Variants in ABCC2 observed in about 807,000 individuals in gnomAD.
ABCC2 encodes the protein ATP-binding cassette sub-family C member 2.
ABCC2 carries 157 observed loss-of-function variants against 173.4 expected under a neutral mutation model. The observed-to-expected ratio is 0.91, with a 90% CI of 0.80 to 1.03. The LOEUF is 1.03. ABCC2 is among the 50% of genes least tolerant of loss of function. The pLI is 0.00. For missense variants in ABCC2, 1,822 were observed against 1,852.3 expected (o/e 0.98, Z 0.30); for synonymous variants, 657 against 693.5 (o/e 0.95, Z 0.83).
Position 99,819,127 on chromosome 10 carries a change from T to A in ABCC2, c.2478T>A (p.Pro826=). 6.2e-7 allele frequency: 1 copy of A among 1,614,132 alleles called. No individual in the cohort carries two copies. Among genetic ancestry groups the A allele is most frequent in the Non-Finnish European group, 8.5e-7 (1 of 1,179,994 alleles). Reference sequence around the variant, plus strand: ...TTACACATAGCATGCACTTTCTTCCTCAAGTGGATGAGATTGTAGTTCTGG... The same window carrying A: ...TTACACATAGCATGCACTTTCTTCCACAAGTGGATGAGATTGTAGTTCTGG... ...LLVTHSMHFL[P]QVDEIVVLGN... The change falls in exon 19 of 32, where the codon CCT becomes CCA. Residue 826 remains proline, a synonymous_variant. Transcript: ENST00000647814.
rs1475707121 is a variant in ABCC2, at chr10:99,841,995, GGGA to G, written c.3644_3646del (p.Gly1215_Asn1216delinsAsp). The G allele has an allele frequency of 6.2e-7, 1 of 1,614,152 alleles. No individual in the cohort carries two copies. The highest frequency in any genetic ancestry group is 1.1e-5 in the South Asian group (1 of 91,066). On this transcript the variant is annotated inframe_deletion, in exon 26 of 32. Coordinates refer to ENST00000647814, the MANE Select transcript of ABCC2 (RefSeq NM_000392.5). ...GCTTGCAATTCGCCTGGAGCTGGTT[GGGA>G]ACCTGACTGTCTTCTTTTCAGCCTT...
intron 12 of ABCC2, among the ~76,000 whole-genome samples, 172 bp from the exon 13 acceptor site, chr10:99,807,911 C>T (rs1430855230): frequency 6.6e-6 from 1 of 152,184 alleles, no homozygotes; most frequent in African/African-American, 2.4e-5. Flanking sequence ...ACTTTGTGAC[C>T]TTGGAGAAGA....
chr10:99,822,571 C>T (rs1038705596), intron 19 of ABCC2, among the ~76,000 whole-genome samples: 82 of 151,516 alleles, frequency 5.4e-4, no homozygotes, highest in African/African-American at 1.9e-3. Context: ...ACGTTATCAC[C>T]TTCCCTATTT....
rs1437338569 is a variant in ABCC2 at position 99,814,291 on chromosome 10, A to C, written c.2094+1147A>C. Among the ~76,000 whole-genome samples the C allele has an allele frequency of 5.3e-5, 4 of 76,130 alleles. 1 individual carries two copies. Among genetic ancestry groups the C allele is most frequent in the Non-Finnish European group, 1.1e-4 (4 of 37,872 alleles). The allele number at this position is 76,130 out of a possible 152,430, so 49.9% of individuals were successfully genotyped here. A position where few individuals can be genotyped will look rare whatever the true frequency, so the allele number is the denominator to read the frequency against. On this transcript the variant is annotated intron_variant, in intron 16 of 31. Transcript: ENST00000647814. ...TGTATACACACGTATGTATACACACACGTATGTATACACACATGTATATAC... is the reference window on the plus strand; with the variant it reads ...TGTATACACACGTATGTATACACACCCGTATGTATACACACATGTATATAC...
chr10:99,841,077 G>C (rs2038935760), intron 25 of ABCC2, among the ~76,000 whole-genome samples: 1 of 152,028 alleles, frequency 6.6e-6, no homozygotes, highest in Non-Finnish European at 1.5e-5. Context: ...ATCTCCCTGT[G>C]GCCAACTTGC....
intron 27 of ABCC2, 82 bp downstream of exon 27, chr10:99,843,982 A>G (rs2038981167): frequency 1.7e-6 from 2 of 1,184,070 alleles, no homozygotes; most frequent in South Asian, 1.2e-5. Context: ...GAATTTCTCC[A>G]TATTTTACAT....
At chr10:99,806,196 G>A (rs2038101361) in intron 11 of ABCC2, among the ~76,000 whole-genome samples, 2 of 151,810 alleles carry the variant, frequency 1.3e-5, no homozygotes, top group Admixed American at 1.3e-4. Flanking sequence ...AGGTTTGATT[G>A]ATTTATATTT....
intron 19 of ABCC2, among the ~76,000 whole-genome samples, chr10:99,820,669 G>A (rs923860097): frequency 6.6e-6 from 1 of 152,222 alleles, no homozygotes; most frequent in African/African-American, 2.4e-5. Context: ...CAAAGAACAG[G>A]ATGGTGTAGG....
chr10:99,814,797 A>ATGTG (rs771994615), intron 16 of ABCC2, among the ~76,000 whole-genome samples: 1 of 138,314 alleles, frequency 7.2e-6, no homozygotes, highest in Non-Finnish European at 1.6e-5. Flanking sequence ...ACACACACAT[A>ATGTG]TGTGTGTGTG....
chr10:99,808,042 C>T (rs1419468101), intron 12 of ABCC2, 41 bp from the exon 13 acceptor site: 5 of 1,610,546 alleles, frequency 3.1e-6, no homozygotes, highest in Non-Finnish European at 4.2e-6. Context: ...GCTGCTTGGT[C>T]CCTTTTAGGA....
chr10:99,797,271 T>C lies in ABCC2; in HGVS notation c.807T>C (p.Ser269=), dbSNP rs760678942. The part of the protein sequence containing the change: ...RRQEKSSQQN[S]GARLPGLNKN... ...AGGAGAAGAGCTCCCAGCAGAACTC[T>C]GGAGCCAGGCTGCCTGGCTTGAACA... Residue 269 remains serine, a synonymous_variant, in exon 7 of 32, where the codon TCT becomes TCC. Coordinates refer to ENST00000647814, the MANE Select transcript of ABCC2 (RefSeq NM_000392.5). 1.3e-5 allele frequency: 21 copies of C among 1,613,900 alleles called. No individual in the cohort carries two copies. In the South Asian group the frequency reaches 2.3e-4, roughly 18 times the overall value.
chr10:99,797,370 G>C (rs2037936390), intron 7 of ABCC2, 39 bp downstream of exon 7: 1 of 1,561,688 alleles, frequency 6.4e-7, no homozygotes, highest in East Asian at 2.3e-5. Flanking sequence ...CGCGCTGCAT[G>C]TTTCAGGCAA....
At chr10:99,815,903 T>C (rs1275252437) in intron 16 of ABCC2, among the ~76,000 whole-genome samples, 1 of 152,142 alleles carries the variant, frequency 6.6e-6, no homozygotes, top group Non-Finnish European at 1.5e-5. Flanking sequence ...GAAGCTTTTT[T>C]CTTGCTAACT....
chr10:99,845,893 T>C, intron 29 of ABCC2, 111 bp downstream of exon 29: 1 of 1,224,798 alleles, frequency 8.2e-7, no homozygotes, highest in Non-Finnish European at 1.2e-6. Flanking sequence ...AATTCCACGG[T>C]CTACTCGGGA....
At chr10:99,807,345 G>A (rs372457929) in intron 11 of ABCC2, 39 bp from the exon 12 acceptor site, 14 of 1,613,730 alleles carry the variant, frequency 8.7e-6, no homozygotes, top group Non-Finnish European at 1.2e-5. Flanking sequence ...GCCCTTTCAG[G>A]GGCAATCATG....
rs376209856 is a variant in ABCC2, at chr10:99,814,192, CAT to C, written c.2094+1049_2094+1050del. ...ATATACACACATGTATGTATACACA[CAT>C]GTGTATATATACACACATGTGTATA... On this transcript the variant is annotated intron_variant, in intron 16 of 31. Coordinates refer to ENST00000647814, the MANE Select transcript of ABCC2 (RefSeq NM_000392.5). Among the ~76,000 whole-genome samples, 36 of 81,650 alleles carry C rather than the reference CAT, an allele frequency of 4.4e-4. 3 individuals carry two copies. Among genetic ancestry groups the C allele is most frequent in the South Asian group, 1.3e-3 (3 of 2,254 alleles). The allele number at this position is 81,650 out of a possible 152,430, so 53.6% of individuals were successfully genotyped here.
chr10:99,814,831 TCTCA>T (rs1166256681), intron 16 of ABCC2, among the ~76,000 whole-genome samples: 2 of 146,380 alleles, frequency 1.4e-5, no homozygotes, highest in African/African-American at 2.5e-5. Flanking sequence ...TGAGACAGAG[TCTCA>T]CTCTGTCACT....
rs878914927 is a variant in ABCC2, at chr10:99,817,247, T to C, written c.2095-61T>C. ...TTTCTTCCCCTCTCCAGCCACCCCGTCCTTCAACCCTGCGTTTCTGGAGGT... is the reference window on the plus strand; with the variant it reads ...TTTCTTCCCCTCTCCAGCCACCCCGCCCTTCAACCCTGCGTTTCTGGAGGT... On this transcript the variant is annotated intron_variant, in intron 16 of 31. Transcript: ENST00000647814. The C allele has an allele frequency of 2.0e-6, 3 of 1,538,338 alleles. No individual in the cohort carries two copies. In the South Asian group the frequency reaches 3.4e-5, roughly 17 times the overall value.
At chr10:99,814,146 C>CACACAT (rs1564683200) in intron 16 of ABCC2, among the ~76,000 whole-genome samples, 12 of 21,500 alleles carry the variant, frequency 5.6e-4, no homozygotes, top group African/African-American at 7.4e-4. Context: ...TATATACACA[C>CACACAT]ATGTATGTAT....
Sources: gnomAD v4.1 joint callset for allele counts (sites outside exome capture counted in the v4.1 genomes callset) on GRCh38, gnomAD v4.1.1 for gene constraint, MANE v1.5 for transcripts, NCBI Gene and HGNC (gene_info 2026-07-23, HGNC 2026-07-21) for gene names.